Variants in LRP1B observed in about 807,000 individuals in gnomAD.
The protein encoded by LRP1B is low-density lipoprotein receptor-related protein 1B.
In LRP1B, 217 loss-of-function variants were observed where a neutral mutation model predicts 556.6. The ratio of observed to expected loss-of-function variants is 0.39; its 90% CI spans 0.35 to 0.44. The LOEUF is 0.44. Ranked by LOEUF, LRP1B falls within the 20% of genes least tolerant of loss-of-function variation. The pLI is 1.00. For missense variants in LRP1B, 5,053 were observed against 5,620.8 expected, an observed-to-expected ratio of 0.90 and a Z score of 3.23; for synonymous variants, 2,047 against 1,865.8, an observed-to-expected ratio of 1.10 and a Z score of -2.50.
chr2:141,690,396 A>AATAAATATATAT (rs5834858), intron 2 of LRP1B, among the ~76,000 whole-genome samples: 629 of 26,274 alleles, frequency 0.024, 10 homozygotes, highest in Non-Finnish European at 0.034. Context: ...TACATCTATA[A>AATAAATATATAT]ATATATATAT....
intron 3 of LRP1B, among the ~76,000 whole-genome samples, chr2:141,418,876 G>T (rs1053008775): frequency 1.3e-5 from 2 of 151,910 alleles, no homozygotes; most frequent in Non-Finnish European, 2.9e-5. Flanking sequence ...AACATAGGAG[G>T]TCTTTCCATT....
chr2:142,051,224 G>A (rs1292392660), intron 1 of LRP1B, among the ~76,000 whole-genome samples: 1 of 152,052 alleles, frequency 6.6e-6, no homozygotes, highest in Non-Finnish European at 1.5e-5. Flanking sequence ...GGACATTCAC[G>A]TAGGAGGTTG....
At chr2:140,351,123 AATT>A (rs1362411361) in intron 76 of LRP1B, 85 bp from the exon 77 acceptor site, 4 of 916,972 alleles carry the variant, frequency 4.4e-6, no homozygotes, top group African/African-American at 1.7e-5. Flanking sequence ...AATTATCTTG[AATT>A]ATTATTCTTA....
intron 3 of LRP1B, among the ~76,000 whole-genome samples, chr2:141,390,095 G>T (rs1396002629): frequency 1.3e-5 from 2 of 152,122 alleles, no homozygotes; most frequent in African/African-American, 4.8e-5. Flanking sequence ...CCGAGATCAC[G>T]CCATTGCACT....
intron 7 of LRP1B, among the ~76,000 whole-genome samples, chr2:141,169,276 ACT>A (rs894916038): frequency 1.4e-5 from 2 of 147,264 alleles, no homozygotes; most frequent in African/African-American, 2.5e-5. Context: ...ACAAAGCAAG[ACT>A]CTGTCTCAAA....
At chr2:141,342,945 A>G (rs372099107) in intron 3 of LRP1B, among the ~76,000 whole-genome samples, 1 of 152,170 alleles carries the variant, frequency 6.6e-6, no homozygotes, top group African/African-American at 2.4e-5. Context: ...GTTGACATGA[A>G]GGAAAAAAAT....
chr2:141,340,968 C>CT (rs5834821), intron 3 of LRP1B, among the ~76,000 whole-genome samples: 91,576 of 151,874 alleles, frequency 0.6, 28,466 homozygotes, highest in African/African-American at 0.68. Context: ...AAGTTTTGAT[C>CT]GCACAGACAA....
intron 2 of LRP1B, among the ~76,000 whole-genome samples, chr2:141,656,633 A>G (rs1690020146): frequency 6.6e-6 from 1 of 152,152 alleles, no homozygotes; most frequent in African/African-American, 2.4e-5. Context: ...CAATTGTCTG[A>G]TATTGGGTTT....
chr2:140,614,341 G>C (rs1402184881), intron 41 of LRP1B, among the ~76,000 whole-genome samples: 1 of 151,940 alleles, frequency 6.6e-6, no homozygotes, highest in African/African-American at 2.4e-5. Context: ...TATGATTTCA[G>C]AGATTTAAGG....
intron 7 of LRP1B, among the ~76,000 whole-genome samples, chr2:141,165,207 A>T (rs964920038): frequency 6.6e-6 from 1 of 151,722 alleles, no homozygotes; most frequent in African/African-American, 2.4e-5. Flanking sequence ...GGGAGTTGAA[A>T]GAAACTTCAG....
intron 1 of LRP1B, among the ~76,000 whole-genome samples, chr2:142,069,168 C>T (rs574638359): frequency 6.6e-6 from 1 of 151,512 alleles, no homozygotes; most frequent in Non-Finnish European, 1.5e-5. Flanking sequence ...AGGAGTATGA[C>T]TGAAATATGG....
intron 3 of LRP1B, among the ~76,000 whole-genome samples, chr2:141,291,227 T>C (rs1213812721): frequency 2.6e-5 from 4 of 152,190 alleles, no homozygotes; most frequent in Admixed American, 2.6e-4. Flanking sequence ...AACTAAAATA[T>C]CTTACTTTTG....
intron 1 of LRP1B, among the ~76,000 whole-genome samples, chr2:142,038,749 C>A (rs2105210870): frequency 6.6e-6 from 1 of 151,656 alleles, no homozygotes; most frequent in Non-Finnish European, 1.5e-5. Flanking sequence ...GCAAAACCAC[C>A]AAGTGATATT....
intron 45 of LRP1B, among the ~76,000 whole-genome samples, chr2:140,539,800 A>C (rs999577460): frequency 5.3e-5 from 8 of 152,164 alleles, no homozygotes; most frequent in African/African-American, 1.9e-4. Context: ...TAAGTGACAA[A>C]GAAATATGGG....
At chr2:141,270,015 T>TAGAATGAC (rs1450072549) in intron 3 of LRP1B, among the ~76,000 whole-genome samples, 1 of 151,966 alleles carries the variant, frequency 6.6e-6, no homozygotes, top group Non-Finnish European at 1.5e-5. Flanking sequence ...AAGCAACCCA[T>TAGAATGAC]AGAATGACAG....
In LRP1B at chr2:141,071,418, T is replaced by G. The variant is rs1699638877; in HGVS notation, c.1014-9145A>C. ...AATATCATACTGAATGGGCAAAAACTGGAAGCATTCCCTTTGAAAACAGGC... is the reference window on the plus strand; with the variant it reads ...AATATCATACTGAATGGGCAAAAACGGGAAGCATTCCCTTTGAAAACAGGC... On this transcript the variant is annotated intron_variant, in intron 7 of 90. Coordinates refer to ENST00000389484, the MANE Select transcript of LRP1B (RefSeq NM_018557.3). Among the ~76,000 whole-genome samples the G allele has an allele frequency of 3.3e-5, 5 of 152,050 alleles. No individual in the cohort carries two copies. In the South Asian group the frequency reaches 1.0e-3, roughly 32 times the overall value.
rs1213312613 is a variant in LRP1B at position 140,335,768 on chromosome 2, T to C, written c.11963A>G (p.His3988Arg). 1 of 1,612,946 alleles carries C rather than the reference T, an allele frequency of 6.2e-7. No homozygotes were observed. ...WVAGNIYWTD[H>R]SRMHWFSYYT... The stretch of plus-strand genomic sequence containing the variant: ...GTAACTGAACCAATGCATTCTAGAA[T>C]GATCAGTCCAGTAAATGTTTCCAGC... Residue 3988 changes from histidine to arginine, a missense_variant, in exon 78 of 91, where the codon CAT (histidine) becomes CGT (arginine). By Grantham distance (29) the His-to-Arg change is conservative (BLOSUM62 0). Around this residue, in one of 5 missense-constraint regions of LRP1B, gnomAD observed 599 missense variants for 648.4 expected, o/e 0.92. Coordinates refer to ENST00000389484, the MANE Select transcript of LRP1B (RefSeq NM_018557.3).
At chr2:141,439,661 A>T (rs1030691051) in intron 3 of LRP1B, among the ~76,000 whole-genome samples, 3 of 152,180 alleles carry the variant, frequency 2.0e-5, no homozygotes, top group African/African-American at 7.2e-5. Flanking sequence ...AATCAGTATA[A>T]GGAGTTACCA....
intron 2 of LRP1B, among the ~76,000 whole-genome samples, chr2:141,488,653 G>C (rs1328530924): frequency 6.6e-6 from 1 of 151,900 alleles, no homozygotes; most frequent in East Asian, 1.9e-4. Context: ...TACAGACAGG[G>C]TCTCACCATG....
Sources: allele counts gnomAD v4.1 joint callset (sites outside exome capture counted in the v4.1 genomes callset), GRCh38; gene constraint gnomAD v4.1.1; regional missense constraint gnomAD v4.1.1; transcripts MANE v1.5; gene names NCBI Gene and HGNC (gene_info 2026-07-23, HGNC 2026-07-21).